The following ZNF674 variants were observed in gnomAD, a reference collection of about 807,000 sequenced individuals.
ZNF674 encodes the protein zinc finger family member 674.
Under a neutral mutation model 7.0 loss-of-function variants are expected in ZNF674, and 2 were observed. That is an observed-to-expected ratio of 0.29 (90% confidence interval 0.12 to 0.90). The LOEUF (loss-of-function observed/expected upper bound fraction) is 0.90. Among genes scored for constraint, ZNF674 ranks in the 40% least tolerant of loss-of-function variants. The pLI is 0.57. For synonymous variants in ZNF674, 103 were observed against 145.2 expected, an observed-to-expected ratio of 0.71 and a Z score of 2.09; for missense variants, 297 against 415.5, an observed-to-expected ratio of 0.71 and a Z score of 2.48.
At chrX:46,512,713 G>A (rs1304420341) in intron 5 of ZNF674, among the ~76,000 whole-genome samples, 5 of 106,921 alleles carry the variant, frequency 4.7e-5, no homozygotes, top group South Asian at 4.1e-4. Flanking sequence ...GCAGTGAGCC[G>A]AGATGGCACC....
At chrX:46,503,923 C>G (rs1183979913) in intron 5 of ZNF674, among the ~76,000 whole-genome samples, 1 of 110,936 alleles carries the variant, frequency 9.0e-6, no homozygotes, top group Non-Finnish European at 1.9e-5. Flanking sequence ...CCTATAGTCC[C>G]AGCTACTTAG....
chrX:46,527,009 G>A (rs1942020407), intron 5 of ZNF674, among the ~76,000 whole-genome samples: 1 of 112,114 alleles, frequency 8.9e-6, no homozygotes, highest in African/African-American at 3.2e-5. Flanking sequence ...GCTCACACCT[G>A]TAATCCCAGC....
chrX:46,519,210 T>TAGA (rs1358283561), intron 5 of ZNF674, among the ~76,000 whole-genome samples: 1 of 74,352 alleles, frequency 1.3e-5, no homozygotes, highest in African/African-American at 5.3e-5. Flanking sequence ...CTCAGATAGA[T>TAGA]TAGATAGATA....
rs767661792 is a variant in ZNF674 at position 46,524,083 on chromosome X, C to T, written c.238+4267G>A. Among the ~76,000 whole-genome samples the T allele has an allele frequency of 3.6e-5, 4 of 110,917 alleles. No homozygotes were observed. The East Asian group carries it at 1.1e-3, about 31-fold the overall frequency. ...GAATTTGTAGTTCAAAACTTACCCTCCAAGAAAACTCTAGGCCCAGATGTT... is the reference window on the plus strand; with the variant it reads ...GAATTTGTAGTTCAAAACTTACCCTTCAAGAAAACTCTAGGCCCAGATGTT... On this transcript the variant is annotated intron_variant, in intron 5 of 5. Transcript: ENST00000683375.
chrX:46,534,087 G>A, intron 3 of ZNF674, among the ~76,000 whole-genome samples: 1 of 108,068 alleles, frequency 9.3e-6, no homozygotes, highest in South Asian at 4.0e-4. Flanking sequence ...GGAAGGAGAT[G>A]TGCAAGCAGG....
At chrX:46,541,327 C>T (rs1942292309) in intron 3 of ZNF674, among the ~76,000 whole-genome samples, 1 of 101,269 alleles carries the variant, frequency 9.9e-6, no homozygotes, top group African/African-American at 3.7e-5. Context: ...CACCATTGCA[C>T]TCTAGCCTGG....
intron 3 of ZNF674, among the ~76,000 whole-genome samples, chrX:46,530,454 G>A (rs986884488): frequency 1.4e-4 from 15 of 110,895 alleles, no homozygotes; most frequent in Admixed American, 2.9e-4. Flanking sequence ...GCATGGCTTC[G>A]AGGATCCCAG....
chrX:46,529,042 C>T (rs1182106241), intron 3 of ZNF674, 133 bp from the exon 4 acceptor site: 14 of 1,102,061 alleles, frequency 1.3e-5, no homozygotes, highest in Non-Finnish European at 1.7e-5. Context: ...CAGTCTTCGC[C>T]GCCACCCTAG....
chrX:46,535,040 C>T lies in ZNF674; in HGVS notation c.16-6131G>A, dbSNP rs760382684. On this transcript the variant is annotated intron_variant, in intron 3 of 5. Coordinates refer to ENST00000683375, the MANE Select transcript of ZNF674 (RefSeq NM_001190417.2). ...ACAGGTGTGAGCCACCGCTTCCAGC[C>T]GGCTAAAAGCCTTTCTAAGCAATCC... Among the ~76,000 whole-genome samples the T allele has an allele frequency of 8.0e-5, 9 of 112,349 alleles. No homozygotes were observed. The East Asian group carries it at 1.4e-3, about 17-fold the overall frequency.
intron 5 of ZNF674, among the ~76,000 whole-genome samples, chrX:46,524,106 G>T (rs1265635866): frequency 9.0e-6 from 1 of 110,630 alleles, no homozygotes; most frequent in Non-Finnish European, 1.9e-5. Flanking sequence ...AGGCCCAGAT[G>T]TTTTCACTGA....
At chrX:46,541,930 T>A in intron 3 of ZNF674, 143 bp downstream of exon 3, 1 of 513,928 alleles carries the variant, frequency 1.9e-6, no homozygotes. Flanking sequence ...AGGGGAAGGA[T>A]TAGAGAAACC....
At chrX:46,504,403 C>T (rs779406127) in intron 5 of ZNF674, among the ~76,000 whole-genome samples, 3 of 108,479 alleles carry the variant, frequency 2.8e-5, no homozygotes, top group East Asian at 2.9e-4. Context: ...AGTACAGTAG[C>T]GTGATCTTGG....
intron 3 of ZNF674, among the ~76,000 whole-genome samples, chrX:46,536,692 G>A (rs538800265): frequency 1.8e-5 from 2 of 110,572 alleles, no homozygotes; most frequent in Admixed American, 1.9e-4. Flanking sequence ...AGGAGGCTGA[G>A]GTTGCAGTGA....
chrX:46,534,711 A>C (rs1183523305), intron 3 of ZNF674, among the ~76,000 whole-genome samples: 1 of 109,822 alleles, frequency 9.1e-6, no homozygotes, highest in Non-Finnish European at 1.9e-5. Context: ...CAAAGTTTTT[A>C]TAATTTTACA....
intron 5 of ZNF674, among the ~76,000 whole-genome samples, chrX:46,513,072 G>A (rs1282649244): frequency 9.0e-6 from 1 of 110,675 alleles, no homozygotes; most frequent in Non-Finnish European, 1.9e-5. Context: ...AGACCATCCT[G>A]GCCAACATGG....
Position 46,520,512 on chromosome X carries a change from C to G in ZNF674, c.238+7838G>C, listed in dbSNP as rs1036963098. Among the ~76,000 whole-genome samples the G allele has an allele frequency of 4.5e-5, 5 of 111,682 alleles. No homozygotes were observed. In the East Asian group the frequency reaches 1.4e-3, roughly 31 times the overall value. ...ATATCCTGGTTGGGATACTGTACTACAGTTCTGCAAGATGTTACCTACCAA... is the reference window on the plus strand; with the variant it reads ...ATATCCTGGTTGGGATACTGTACTAGAGTTCTGCAAGATGTTACCTACCAA... On this transcript the variant is annotated intron_variant, in intron 5 of 5. Coordinates refer to ENST00000683375, the MANE Select transcript of ZNF674 (RefSeq NM_001190417.2).
At chrX:46,513,442 CTGTG>C (rs201241890) in intron 5 of ZNF674, among the ~76,000 whole-genome samples, 1 of 111,265 alleles carries the variant, frequency 9.0e-6, no homozygotes, top group Non-Finnish European at 1.9e-5. Context: ...ATCTATAATT[CTGTG>C]TGTGTGTGTA....
chrX:46,506,420 A>G (rs903807183), intron 5 of ZNF674, among the ~76,000 whole-genome samples: 7 of 110,541 alleles, frequency 6.3e-5, no homozygotes, highest in African/African-American at 2.3e-4. Context: ...CATGGGAAAA[A>G]AAAAAAAAAA....
At chrX:46,524,386 T>A in intron 5 of ZNF674, among the ~76,000 whole-genome samples, 1 of 112,032 alleles carries the variant, frequency 8.9e-6, no homozygotes, top group Non-Finnish European at 1.9e-5. Flanking sequence ...AATGAAAGGC[T>A]GGTTCAGTAT....
Sources: allele counts gnomAD v4.1 joint callset (sites outside exome capture counted in the v4.1 genomes callset), GRCh38; gene constraint gnomAD v4.1.1; transcripts MANE v1.5; gene names NCBI Gene and HGNC (gene_info 2026-07-23, HGNC 2026-07-21).